PNO1: variants seen among roughly 807,000 people sequenced by gnomAD.
The protein encoded by PNO1 is RNA-binding protein PNO1.
A neutral mutation model predicts 28.4 loss-of-function variants in PNO1; 16 were observed. The ratio of observed to expected loss-of-function variants is 0.56; its 90% CI spans 0.38 to 0.85. PNO1 has a LOEUF of 0.85. Ranked by LOEUF, PNO1 falls within the 40% of genes least tolerant of loss-of-function variation. PNO1 has a pLI of 0.00. For missense variants in PNO1, 304 were observed against 312.2 expected, an observed-to-expected ratio of 0.97 and a Z score of 0.20; for synonymous variants, 115 against 110.8, an observed-to-expected ratio of 1.04 and a Z score of -0.24.
Position 68,162,653 on chromosome 2 carries a change from T to C in PNO1, c.610T>C (p.Leu204=). 6.3e-7 allele frequency: 1 copy of C among 1,594,726 alleles called. No homozygotes were observed. Among genetic ancestry groups the C allele is most frequent in the Non-Finnish European group, 8.6e-7 (1 of 1,162,362 alleles). ...GAATGTGACACGGACAAGGATAGTT[T>C]TGGCTGATGTGTAAGTATCTGATCT... The part of the protein sequence containing the change: ...IENVTRTRIV[L]ADVKVHILGS... Residue 204 remains leucine, a synonymous_variant, in exon 5 of 7, where the codon TTG becomes CTG. Transcript: ENST00000263657.
chr2:68,161,607 C>A, intron 2 of PNO1, 76 bp from the exon 3 acceptor site: 1 of 899,226 alleles, frequency 1.1e-6, no homozygotes, highest in Middle Eastern at 2.2e-4. Context: ...TGGGAAAGGA[C>A]ATTTCCAGTA....
At chr2:68,164,929 A>G (rs1424603337) in intron 5 of PNO1, among the ~76,000 whole-genome samples, 1 of 152,230 alleles carries the variant, frequency 6.6e-6, no homozygotes, top group Non-Finnish European at 1.5e-5. Flanking sequence ...ACTTCATTTG[A>G]TATCATAGGA....
chr2:68,158,243 C>T (rs1020808014), intron 1 of PNO1, 102 bp downstream of exon 1: 4 of 1,386,412 alleles, frequency 2.9e-6, no homozygotes, highest in Non-Finnish European at 4.0e-6. Flanking sequence ...GCTGTTCTGC[C>T]GTGATGCTCA....
chr2:68,170,194 C>T (rs1157431043), intron 5 of PNO1, among the ~76,000 whole-genome samples: 1 of 152,146 alleles, frequency 6.6e-6, no homozygotes, highest in African/African-American at 2.4e-5. Flanking sequence ...TGCCAATAAC[C>T]TGGCAAAATA....
chr2:68,160,230 A>G (rs1673796489), intron 2 of PNO1, among the ~76,000 whole-genome samples: 1 of 152,038 alleles, frequency 6.6e-6, no homozygotes, highest in Non-Finnish European at 1.5e-5. Context: ...CTGCCTCCCA[A>G]AGTGCTGGGA....
intron 5 of PNO1, among the ~76,000 whole-genome samples, chr2:68,167,224 G>A (rs1205496520): frequency 6.6e-6 from 1 of 152,172 alleles, no homozygotes; most frequent in Non-Finnish European, 1.5e-5. Context: ...ATGACTACCT[G>A]TTCTGGAGGC....
At chr2:68,166,438 C>G (rs1261893657) in intron 5 of PNO1, among the ~76,000 whole-genome samples, 2 of 152,150 alleles carry the variant, frequency 1.3e-5, no homozygotes, top group Admixed American at 1.3e-4. Flanking sequence ...AATCTATCTA[C>G]TCTTCATTAA....
intron 5 of PNO1, among the ~76,000 whole-genome samples, chr2:68,167,216 G>A (rs758889500): frequency 6.6e-6 from 1 of 152,120 alleles, no homozygotes; most frequent in Admixed American, 6.5e-5. Context: ...AGGTCTTTAT[G>A]ACTACCTGTT....
At chr2:68,168,872 C>T (rs1453541015) in intron 5 of PNO1, among the ~76,000 whole-genome samples, 1 of 149,972 alleles carries the variant, frequency 6.7e-6, no homozygotes, top group Admixed American at 6.7e-5. Context: ...TGGGCAACTG[C>T]AACTGCAGGC....
In PNO1 at chr2:68,172,773, G is replaced by A. The variant is rs373525144; in HGVS notation, c.621-574G>A. 2.4e-3 allele frequency among the ~76,000 whole-genome samples: 366 copies of A among 152,274 alleles called. 2 individuals carry two copies. The highest frequency in any genetic ancestry group is 8.2e-3 in the African/African-American group (341 of 41,548). ...TCCGTAAAACAGGAAGGTCATGTGA[G>A]GATTAATGAGGGCATGCATAGAAAG... is the stretch of plus-strand genomic sequence containing the variant. On this transcript the variant is annotated intron_variant, in intron 5 of 6. Coordinates refer to ENST00000263657, the MANE Select transcript of PNO1 (RefSeq NM_020143.4).
rs1674259151 is a variant in PNO1, at chr2:68,175,652, G to C, written c.*850G>C. ...TCAGTAAGAGCTCATCTTGGAACCT[G>C]TTTTGCAGTTTCTTGCAGTTTCAAA... On this transcript the variant is annotated 3_prime_UTR_variant, in exon 7 of 7. Coordinates refer to ENST00000263657, the MANE Select transcript of PNO1 (RefSeq NM_020143.4). 1.5e-5 allele frequency: 1 copy of C among 64,718 alleles called. No homozygotes were observed. The highest frequency in any genetic ancestry group is 1.9e-4 in the African/African-American group (1 of 5,336). The allele number at this position is 64,718 out of a possible 1,614,324, so 4.0% of individuals were successfully genotyped here. A position where few individuals can be genotyped will look rare whatever the true frequency, so the allele number is the denominator to read the frequency against.
At chr2:68,174,288 G>GTTTTTTTT (rs34323809) in intron 6 of PNO1, among the ~76,000 whole-genome samples, 1 of 106,800 alleles carries the variant, frequency 9.4e-6, no homozygotes, top group Non-Finnish European at 1.8e-5. Context: ...TTCTGTTAAG[G>GTTTTTTTT]TTTTTTTTTT....
At chr2:68,174,686 C>T (rs774303539) in intron 6 of PNO1, 49 bp from the exon 7 acceptor site, 1 of 1,289,990 alleles carries the variant, frequency 7.8e-7, no homozygotes, top group Non-Finnish European at 1.1e-6. Context: ...ACTGTAGGCG[C>T]TATAAATGTG....
intron 2 of PNO1, among the ~76,000 whole-genome samples, chr2:68,160,264 A>T (rs563318263): frequency 6.6e-6 from 1 of 152,012 alleles, no homozygotes; most frequent in Non-Finnish European, 1.5e-5. Context: ...CATCTTCAAC[A>T]TTTCTAAAGG....
intron 2 of PNO1, among the ~76,000 whole-genome samples, chr2:68,158,780 AATGTTCT>A (rs1238755645): frequency 6.6e-6 from 1 of 152,234 alleles, no homozygotes; most frequent in Non-Finnish European, 1.5e-5. Context: ...TATCTTTTAT[AATGTTCT>A]ATGTCAAATT....
rs1413960050 is a variant in PNO1 at position 68,157,991 on chromosome 2, C to T, written c.57C>T (p.Val19=). 1.9e-6 allele frequency: 3 copies of T among 1,614,024 alleles called. No homozygotes were observed. Among genetic ancestry groups the T allele is most frequent in the Non-Finnish European group, 2.5e-6 (3 of 1,180,036 alleles). Residue 19 remains valine (V), a synonymous_variant, in exon 1 of 7, where the codon GTC becomes GTT. Coordinates refer to ENST00000263657, the MANE Select transcript of PNO1 (RefSeq NM_020143.4). ...SARAEEGFTQ[V]TRKGGRRAKK... is the part of the protein sequence containing the mutation. ...GGGCAGAGGAGGGCTTTACCCAGGT[C>T]ACCCGCAAGGGTGGCCGACGGGCGA...
intron 5 of PNO1, among the ~76,000 whole-genome samples, chr2:68,163,921 G>T (rs1216368413): frequency 6.6e-6 from 1 of 152,182 alleles, no homozygotes; most frequent in Non-Finnish European, 1.5e-5. Context: ...AGTTGACTGA[G>T]AGGAGGAGGG....
intron 5 of PNO1, among the ~76,000 whole-genome samples, chr2:68,165,992 T>C (rs967355708): frequency 6.6e-6 from 1 of 152,216 alleles, no homozygotes; most frequent in African/African-American, 2.4e-5. Context: ...CCCACCCTTT[T>C]CTGGGACAAC....
In PNO1 at chr2:68,162,655, G is replaced by A. The variant is rs1374561512; in HGVS notation, c.612G>A (p.Leu204=). The A allele has an allele frequency of 6.3e-7, 1 of 1,593,002 alleles. No homozygotes were observed. Among genetic ancestry groups the A allele is most frequent in the Non-Finnish European group, 8.6e-7 (1 of 1,161,066 alleles). ...ATGTGACACGGACAAGGATAGTTTTGGCTGATGTGTAAGTATCTGATCTTG... is the reference window on the plus strand; with the variant it reads ...ATGTGACACGGACAAGGATAGTTTTAGCTGATGTGTAAGTATCTGATCTTG... ...IENVTRTRIV[L]ADVKVHILGS... Residue 204 remains leucine, a synonymous_variant, in exon 5 of 7, where the codon TTG becomes TTA. Coordinates refer to ENST00000263657, the MANE Select transcript of PNO1 (RefSeq NM_020143.4).
Sources: allele counts gnomAD v4.1 joint callset (sites outside exome capture counted in the v4.1 genomes callset), GRCh38; gene constraint gnomAD v4.1.1; transcripts MANE v1.5; gene names NCBI Gene and HGNC (gene_info 2026-07-23, HGNC 2026-07-21).